CPED1: variants seen among roughly 807,000 people sequenced by gnomAD.
CPED1 encodes cadherin-like and PC-esterase domain-containing protein 1.
A neutral mutation model predicts 128.2 loss-of-function variants in CPED1; 114 were observed. That is an observed-to-expected ratio of 0.89 (90% CI 0.76 to 1.04). The LOEUF is 1.04. CPED1 is among the 50% of genes least tolerant of loss of function. The pLI is 0.00. For synonymous variants in CPED1, 462 were observed against 426.7 expected (o/e 1.08, Z -1.02); for missense variants, 1,211 against 1,207.1 (o/e 1.00, Z -0.05).
rs752500478 is a variant in CPED1 at position 121,046,918 on chromosome 7, C to T, written c.465C>T (p.Cys155=). 1.2e-6 allele frequency: 2 copies of T among 1,611,592 alleles called. No individual in the cohort carries two copies. The highest frequency in any genetic ancestry group is 3.3e-5 in the Admixed American group (2 of 59,858). ...TGGGCTCTTGGGATCTGCTCATTTG[C>T]CTGTCTTCTAAGAAAGCAGAAGGAA... The part of the protein sequence containing the change: ...GDLGSWDLLI[C]LSSKKAEGTP... Residue 155 remains cysteine (C), a synonymous_variant, in exon 4 of 23, where the codon TGC becomes TGT. Coordinates refer to ENST00000310396, the MANE Select transcript of CPED1 (RefSeq NM_024913.5).
At position 121,128,844 on chromosome 7, in the gene CPED1, T is replaced by A. The variant is rs531074184; in HGVS notation, c.1407+358T>A. Among the ~76,000 whole-genome samples the A allele has an allele frequency of 6.6e-5, 10 of 152,278 alleles. No individual in the cohort carries two copies. The East Asian group carries it at 1.9e-3, about 29-fold the overall frequency. Reference sequence around the variant, plus strand: ...AAAGTTATTTCTGCTTATTATCCCCTTGTTATTTCTGCTTATTATACCCTT... The same window carrying A: ...AAAGTTATTTCTGCTTATTATCCCCATGTTATTTCTGCTTATTATACCCTT... On this transcript the variant is annotated intron_variant, in intron 11 of 22. Transcript: ENST00000310396.
intron 16 of CPED1, among the ~76,000 whole-genome samples, chr7:121,229,582 T>C (rs1295914987): frequency 6.6e-6 from 1 of 152,062 alleles, no homozygotes; most frequent in East Asian, 1.9e-4. Context: ...ATTTTCACTT[T>C]ACAGTACTTA....
intron 6 of CPED1, among the ~76,000 whole-genome samples, chr7:121,098,116 A>G (rs1002231675): frequency 6.6e-6 from 1 of 152,194 alleles, no homozygotes; most frequent in Non-Finnish European, 1.5e-5. Flanking sequence ...GCAAAACTAT[A>G]AAATTTTAAC....
chr7:121,256,024 C>A (rs1262049305), intron 18 of CPED1, among the ~76,000 whole-genome samples: 1 of 147,216 alleles, frequency 6.8e-6, no homozygotes, highest in East Asian at 2.0e-4. Context: ...ATCAAACTAC[C>A]AATGTCACTT....
intron 3 of CPED1, among the ~76,000 whole-genome samples, chr7:121,029,847 A>G: frequency 6.6e-6 from 1 of 152,170 alleles, no homozygotes; most frequent in East Asian, 1.9e-4. Context: ...TTGAATTTTA[A>G]AATGATCAAT....
chr7:121,233,034 T>C (rs573652315), intron 16 of CPED1, among the ~76,000 whole-genome samples: 4 of 152,174 alleles, frequency 2.6e-5, no homozygotes, highest in African/African-American at 9.6e-5. Flanking sequence ...TCCAGAGGAA[T>C]AGATAATGAG....
intron 18 of CPED1, among the ~76,000 whole-genome samples, chr7:121,264,601 C>T (rs1029300269): frequency 1.3e-5 from 2 of 151,996 alleles, no homozygotes; most frequent in East Asian, 1.9e-4. Context: ...TGGATACGCT[C>T]ACCATGGAAA....
intron 2 of CPED1, among the ~76,000 whole-genome samples, chr7:120,991,997 A>G (rs1328406444): frequency 6.6e-6 from 1 of 152,184 alleles, no homozygotes; most frequent in East Asian, 1.9e-4. Context: ...ACACATGTTA[A>G]TTAAAACCAG....
intron 22 of CPED1, among the ~76,000 whole-genome samples, chr7:121,283,875 T>G (rs1273741779): frequency 1.3e-5 from 2 of 152,204 alleles, no homozygotes; most frequent in African/African-American, 4.8e-5. Flanking sequence ...TTGTGTATTC[T>G]CAGTTGGTGG....
At chr7:121,163,715 G>A (rs1381390892) in intron 16 of CPED1, among the ~76,000 whole-genome samples, 1 of 152,128 alleles carries the variant, frequency 6.6e-6, no homozygotes, top group African/African-American at 2.4e-5. Context: ...AGAGAGGGTT[G>A]AACAATGGGC....
At chr7:121,139,525 G>A (rs531413579) in intron 14 of CPED1, among the ~76,000 whole-genome samples, 2 of 151,828 alleles carry the variant, frequency 1.3e-5, no homozygotes, top group African/African-American at 2.4e-5. Flanking sequence ...GCACCTCCAC[G>A]TCCATCAAAG....
chr7:121,183,459 C>T (rs1368057186), intron 16 of CPED1, among the ~76,000 whole-genome samples: 1 of 152,126 alleles, frequency 6.6e-6, no homozygotes, highest in Non-Finnish European at 1.5e-5. Context: ...AGTATATGCT[C>T]TCAGAAATTC....
chr7:121,025,467 AAT>A (rs1792553228), intron 3 of CPED1, among the ~76,000 whole-genome samples: 1 of 152,196 alleles, frequency 6.6e-6, no homozygotes, highest in African/African-American at 2.4e-5. Flanking sequence ...TTAAATAATG[AAT>A]TAAGCATTGA....
chr7:121,124,859 A>T (rs1164615758), intron 8 of CPED1, among the ~76,000 whole-genome samples: 1 of 152,184 alleles, frequency 6.6e-6, no homozygotes, highest in African/African-American at 2.4e-5. Flanking sequence ...TGCAGAGGAG[A>T]AAATGAAGAA....
Position 121,127,118 on chromosome 7 carries a change from A to G in CPED1, c.1163A>G (p.Tyr388Cys). Residue 388 changes from tyrosine (Y) to cysteine (C), a missense_variant, in exon 10 of 23, where the codon TAT becomes TGT. By Grantham distance (194) the Tyr-to-Cys change is radical. Coordinates refer to ENST00000310396, the MANE Select transcript of CPED1 (RefSeq NM_024913.5). ...QVHEHLNFQD[Y>C]DNMDFEDQNT... Reference sequence around the variant, plus strand: ...CACGAGCATTTAAATTTTCAAGATTATGATAATATGGATTTTGAGGACCAA... The same window carrying G: ...CACGAGCATTTAAATTTTCAAGATTGTGATAATATGGATTTTGAGGACCAA... 1 of 1,597,614 alleles carries G rather than the reference A, an allele frequency of 6.3e-7. No individual in the cohort carries two copies. The highest frequency in any genetic ancestry group is 8.5e-7 in the Non-Finnish European group (1 of 1,173,122).
chr7:121,088,590 C>A (rs1794493598), intron 5 of CPED1, among the ~76,000 whole-genome samples: 2 of 150,766 alleles, frequency 1.3e-5, no homozygotes, highest in African/African-American at 4.9e-5. Context: ...ATCCGGGAGG[C>A]AGAGGTTGCA....
intron 16 of CPED1, among the ~76,000 whole-genome samples, chr7:121,143,730 A>C (rs538797473): frequency 6.6e-6 from 1 of 152,114 alleles, no homozygotes; most frequent in Non-Finnish European, 1.5e-5. Context: ...GAAGTGTGAA[A>C]TGTTTGACCA....
chr7:121,292,620 C>T (rs892437226), intron 22 of CPED1, among the ~76,000 whole-genome samples: 3 of 152,046 alleles, frequency 2.0e-5, no homozygotes, highest in African/African-American at 7.2e-5. Flanking sequence ...AATTTTCAGC[C>T]TTTTTGTGCT....
chr7:121,041,865 C>T (rs1793062898), intron 3 of CPED1, among the ~76,000 whole-genome samples: 1 of 152,150 alleles, frequency 6.6e-6, no homozygotes, highest in Non-Finnish European at 1.5e-5. Flanking sequence ...ACCCTGACGT[C>T]TCCTTCCAAA....
Sources: gnomAD v4.1 joint callset for allele counts (sites outside exome capture counted in the v4.1 genomes callset) on GRCh38, gnomAD v4.1.1 for gene constraint, MANE v1.5 for transcripts, NCBI Gene and HGNC (gene_info 2026-07-23, HGNC 2026-07-21) for gene names.